The following ATOSA variants were observed in gnomAD, a reference collection of about 807,000 sequenced individuals.
ATOSA encodes the protein atos homolog A.
At chr15:52,639,659 CT>C in the ATOSA span, among the ~76,000 whole-genome samples, 2 of 152,172 alleles carry the variant, frequency 1.3e-5, no homozygotes, top group Non-Finnish European at 2.9e-5. Context: ...CTGGTTTGTG[CT>C]TGTGGATCAA....
At chr15:52,662,166 AT>A in the ATOSA span, among the ~76,000 whole-genome samples, 1 of 151,454 alleles carries the variant, frequency 6.6e-6, no homozygotes, top group Non-Finnish European at 1.5e-5. Context: ...TATGACCACC[AT>A]TTTTTTTTAA....
the ATOSA span, among the ~76,000 whole-genome samples, chr15:52,612,499 A>T: frequency 8.7e-6 from 1 of 115,048 alleles, no homozygotes; most frequent in African/African-American, 3.3e-5. Context: ...AAAATAAACA[A>T]GATCTTTTTT....
At chr15:52,657,235 C>G in the ATOSA span, 1 of 152,006 alleles carries the variant, frequency 6.6e-6, no homozygotes, top group Non-Finnish European at 1.5e-5. Flanking sequence ...TAGAGACAAA[C>G]AGTCATACAA....
the ATOSA span, among the ~76,000 whole-genome samples, chr15:52,595,806 A>G: frequency 6.6e-6 from 1 of 152,204 alleles, no homozygotes; most frequent in African/African-American, 2.4e-5. Context: ...GTATACATCT[A>G]CAAAAAGATA....
chr15:52,661,740 C>T, the ATOSA span, among the ~76,000 whole-genome samples: 6 of 152,124 alleles, frequency 3.9e-5, no homozygotes, highest in Admixed American at 2.0e-4. Flanking sequence ...GGTTAGGCTA[C>T]GACCTCCTGG....
At chr15:52,682,381 G>T in the ATOSA span, among the ~76,000 whole-genome samples, 1,114 of 152,216 alleles carry the variant, frequency 7.3e-3, 14 homozygotes, top group African/African-American at 0.025. Context: ...TGGATTATTA[G>T]GGTAGATTCC....
the ATOSA span, chr15:52,613,592 T>C: frequency 7.3e-7 from 1 of 1,376,580 alleles, no homozygotes; most frequent in African/African-American, 1.5e-5. Context: ...ATGACAATTA[T>C]AACTGTAATA....
chr15:52,612,421 T>C, the ATOSA span, among the ~76,000 whole-genome samples: 1 of 152,126 alleles, frequency 6.6e-6, no homozygotes, highest in Non-Finnish European at 1.5e-5. Flanking sequence ...ATTTCATCAT[T>C]TCACAGGAAA....
chr15:52,630,719 G>C, the ATOSA span, among the ~76,000 whole-genome samples: 11 of 152,128 alleles, frequency 7.2e-5, no homozygotes, highest in Admixed American at 2.0e-4. Context: ...TATGCTAGGA[G>C]ACTAATATAA....
At chr15:52,606,191 C>A in the ATOSA span, among the ~76,000 whole-genome samples, 1 of 151,936 alleles carries the variant, frequency 6.6e-6, no homozygotes, top group African/African-American at 2.4e-5. Context: ...GAACCATTTT[C>A]AGATGATATA....
the ATOSA span, among the ~76,000 whole-genome samples, chr15:52,663,984 A>G: frequency 6.6e-6 from 1 of 152,214 alleles, no homozygotes; most frequent in Admixed American, 6.5e-5. Context: ...ATTCAAATTC[A>G]TTGCAGAGCA....
the ATOSA span, among the ~76,000 whole-genome samples, chr15:52,708,650 A>G: frequency 5.9e-5 from 9 of 152,292 alleles, no homozygotes; most frequent in Admixed American, 5.2e-4. Flanking sequence ...GGGAAAATAA[A>G]TAACCCAGCA....
At chr15:52,668,222 C>T in the ATOSA span, among the ~76,000 whole-genome samples, 3 of 152,042 alleles carry the variant, frequency 2.0e-5, no homozygotes, top group Non-Finnish European at 4.4e-5. Context: ...TACTATAGAG[C>T]CACAAAAGGA....
chr15:52,590,344 G>A, the ATOSA span, among the ~76,000 whole-genome samples: 2 of 152,134 alleles, frequency 1.3e-5, no homozygotes, highest in South Asian at 2.1e-4. Flanking sequence ...CACTGCAACC[G>A]TTTCTAAACA....
At chr15:52,680,414 G>C in the ATOSA span, among the ~76,000 whole-genome samples, 1 of 152,082 alleles carries the variant, frequency 6.6e-6, no homozygotes, top group Non-Finnish European at 1.5e-5. Context: ...TCACAGGAAA[G>C]TATTAGGACA....
chr15:52,703,276 A>T, the ATOSA span, among the ~76,000 whole-genome samples: 1 of 152,238 alleles, frequency 6.6e-6, no homozygotes. Context: ...TAAAAGAGAC[A>T]CAGGAAAATT....
At chr15:52,605,690 T>G in the ATOSA span, among the ~76,000 whole-genome samples, 3 of 152,256 alleles carry the variant, frequency 2.0e-5, no homozygotes, top group South Asian at 4.1e-4. Flanking sequence ...GCTGAATAAA[T>G]TAAGTTCTAA....
the ATOSA span, among the ~76,000 whole-genome samples, chr15:52,590,191 G>A: frequency 0.99 from 151,307 of 152,332 alleles, 75,150 homozygotes; most frequent in Middle Eastern, 1. Flanking sequence ...ATATGCACAA[G>A]TAAGTGGAAA....
chr15:52,643,837 C>T, the ATOSA span, among the ~76,000 whole-genome samples: 3 of 151,412 alleles, frequency 2.0e-5, no homozygotes, highest in Non-Finnish European at 4.4e-5. Flanking sequence ...CACTTGAACC[C>T]GGGAGGCGGA....
Sources: gnomAD v4.1 joint callset for allele counts (sites outside exome capture counted in the v4.1 genomes callset) on GRCh38, gnomAD v4.1.1 for gene constraint, MANE v1.5 for transcripts, NCBI Gene and HGNC (gene_info 2026-07-23, HGNC 2026-07-21) for gene names.